Variants in SUFU observed in about 807,000 individuals in gnomAD.
The protein encoded by SUFU is suppressor of fused homolog.
A neutral mutation model predicts 58.9 loss-of-function variants in SUFU; 7 were observed. The observed-to-expected ratio is 0.12, with a 90% confidence interval of 0.07 to 0.22. The LOEUF is 0.22. Ranked by LOEUF, SUFU falls within the 10% of genes least tolerant of loss-of-function variation. The pLI, the probability that SUFU is intolerant of heterozygous loss-of-function variation, is 1.00. For synonymous variants in SUFU, 232 were observed against 254.8 expected (o/e 0.91, Z 0.85); for missense variants, 451 against 641.3 (o/e 0.70, Z 3.20).
intron 6 of SUFU, among the ~76,000 whole-genome samples, chr10:102,594,365 T>C (rs2063438534): frequency 6.6e-6 from 1 of 152,232 alleles, no homozygotes; most frequent in South Asian, 2.1e-4. Flanking sequence ...GTGTAGTGGA[T>C]ATTGCTTGCT....
chr10:102,504,437 G>GT (rs1407904272), intron 1 of SUFU, 103 bp downstream of exon 1: 1 of 1,546,336 alleles, frequency 6.5e-7, no homozygotes, highest in African/African-American at 1.4e-5. Context: ...GTAGAGAATG[G>GT]TTAAAGCACT....
intron 1 of SUFU, among the ~76,000 whole-genome samples, chr10:102,505,937 C>A (rs2062319942): frequency 6.7e-6 from 1 of 149,682 alleles, no homozygotes; most frequent in Non-Finnish European, 1.5e-5. Flanking sequence ...CACAGTGGCT[C>A]ATGCATGTAT....
At chr10:102,537,796 A>G (rs1378855124) in intron 2 of SUFU, among the ~76,000 whole-genome samples, 3 of 152,142 alleles carry the variant, frequency 2.0e-5, no homozygotes, top group Admixed American at 1.3e-4. Context: ...TTGTCCATCC[A>G]TCTATTGACT....
chr10:102,506,621 A>G (rs1204182966), intron 1 of SUFU, among the ~76,000 whole-genome samples: 2 of 152,100 alleles, frequency 1.3e-5, no homozygotes, highest in Admixed American at 6.6e-5. Context: ...TCAAGTGATC[A>G]ACCCACCTCG....
At position 102,632,925 on chromosome 10, in the gene SUFU, G is replaced by GT. The variant is rs2063849928; in HGVS notation, c.*2771dup. The GT allele has an allele frequency of 1.3e-5, 3 of 233,542 alleles. No individual in the cohort carries two copies. The highest frequency in any genetic ancestry group is 2.5e-5 in the Non-Finnish European group (3 of 118,340). The allele number at this position is 233,542 out of a possible 1,614,324, so 14.5% of individuals were successfully genotyped here. On this transcript the variant is annotated 3_prime_UTR_variant, in exon 12 of 12. Transcript: ENST00000369902. ...GGCTTGTGCGAGGTCTCAGGCCTGT[G>GT]TGGGGAGCTGGTGCCTCTTCCTGCC...
chr10:102,580,029 A>ACCGC (rs2063257920), intron 3 of SUFU, among the ~76,000 whole-genome samples: 2 of 84,664 alleles, frequency 2.4e-5, no homozygotes, highest in Admixed American at 2.6e-4. Flanking sequence ...CCTCCCCCGC[A>ACCGC]CCCCCCCCCC....
At chr10:102,622,352 T>C (rs1413255857) in intron 10 of SUFU, among the ~76,000 whole-genome samples, 3 of 151,680 alleles carry the variant, frequency 2.0e-5, no homozygotes, top group African/African-American at 7.3e-5. Context: ...ACGCCTGTAA[T>C]CAGTCCCAGC....
intron 2 of SUFU, among the ~76,000 whole-genome samples, chr10:102,513,534 A>T (rs1348312686): frequency 6.6e-6 from 1 of 152,242 alleles, no homozygotes; most frequent in Non-Finnish European, 1.5e-5. Context: ...GAGGGGAGAT[A>T]AACATGTAAA....
chr10:102,512,668 A>G (rs1029092713), intron 2 of SUFU, among the ~76,000 whole-genome samples: 3 of 152,184 alleles, frequency 2.0e-5, no homozygotes, highest in African/African-American at 4.8e-5. Context: ...CATGTCACCA[A>G]TCAAGCCTAG....
intron 2 of SUFU, among the ~76,000 whole-genome samples, chr10:102,513,978 T>C (rs1002179330): frequency 1.3e-5 from 2 of 152,106 alleles, no homozygotes; most frequent in African/African-American, 4.8e-5. Flanking sequence ...TCAACCACTC[T>C]GGCTCAAACG....
At chr10:102,587,861 T>A (rs1053359354) in intron 3 of SUFU, among the ~76,000 whole-genome samples, 6 of 152,222 alleles carry the variant, frequency 3.9e-5, no homozygotes, top group African/African-American at 1.4e-4. Flanking sequence ...CTTTTGATAT[T>A]GTATGGAAGA....
At chr10:102,530,119 C>T (rs888939124) in intron 2 of SUFU, among the ~76,000 whole-genome samples, 1 of 152,244 alleles carries the variant, frequency 6.6e-6, no homozygotes, top group East Asian at 1.9e-4. Flanking sequence ...ACTTGCCCAC[C>T]AGTCAGCTAG....
At chr10:102,599,737 G>A (rs1032362544) in intron 8 of SUFU, among the ~76,000 whole-genome samples, 193 bp downstream of exon 8, 5 of 152,208 alleles carry the variant, frequency 3.3e-5, no homozygotes, top group Non-Finnish European at 7.3e-5. Flanking sequence ...GCCTCAGAGG[G>A]GACCCAGCAG....
intron 8 of SUFU, among the ~76,000 whole-genome samples, chr10:102,607,325 G>A (rs1055328686): frequency 4.6e-5 from 7 of 152,060 alleles, no homozygotes; most frequent in Non-Finnish European, 1.5e-5. Flanking sequence ...CTGGGATTAC[G>A]GGCATGAGCC....
At chr10:102,507,961 ATT>A (rs3061832) in intron 1 of SUFU, among the ~76,000 whole-genome samples, 36,559 of 116,066 alleles carry the variant, frequency 0.31, 5,172 homozygotes, top group Admixed American at 0.36. Context: ...TTTCTTATCC[ATT>A]TTTTTTTTTT....
At chr10:102,505,389 C>T (rs2062312228) in intron 1 of SUFU, among the ~76,000 whole-genome samples, 1 of 152,220 alleles carries the variant, frequency 6.6e-6, no homozygotes, top group African/African-American at 2.4e-5. Flanking sequence ...TTGGTTGAAA[C>T]TGTCCAGGAC....
intron 10 of SUFU, 42 bp from the exon 11 acceptor site, chr10:102,627,133 C>T (rs773589416): frequency 3.7e-6 from 6 of 1,605,260 alleles, no homozygotes; most frequent in Non-Finnish European, 5.1e-6. Context: ...AAAGATCATA[C>T]ATTTAAAAAT....
intron 3 of SUFU, among the ~76,000 whole-genome samples, chr10:102,569,877 A>G (rs966163125): frequency 5.3e-5 from 8 of 152,238 alleles, no homozygotes; most frequent in Admixed American, 3.9e-4. Flanking sequence ...GAATGACTAT[A>G]AAAGTGAGGT....
At chr10:102,557,512 G>A (rs2062993784) in intron 3 of SUFU, among the ~76,000 whole-genome samples, 1 of 152,050 alleles carries the variant, frequency 6.6e-6, no homozygotes, top group Non-Finnish European at 1.5e-5. Context: ...AGGATTACTT[G>A]AGCCAGGGAG....
Sources: gnomAD v4.1 joint callset for allele counts (sites outside exome capture counted in the v4.1 genomes callset) on GRCh38, gnomAD v4.1.1 for gene constraint, MANE v1.5 for transcripts, NCBI Gene and HGNC (gene_info 2026-07-23, HGNC 2026-07-21) for gene names.